ARHGAP28: variants seen among roughly 807,000 people sequenced by gnomAD.
ARHGAP28 encodes the protein rho GTPase-activating protein 28.
A neutral mutation model predicts 90.7 loss-of-function variants in ARHGAP28; 56 were observed. The ratio of observed to expected loss-of-function variants is 0.62; its 90% CI spans 0.50 to 0.77. The LOEUF is 0.77. ARHGAP28 is among the 30% of genes least tolerant of loss of function. The pLI is 0.00. For missense variants in ARHGAP28, 869 were observed against 900.9 expected (o/e 0.96, Z 0.45); for synonymous variants, 308 against 323.3 (o/e 0.95, Z 0.51).
intron 1 of ARHGAP28, among the ~76,000 whole-genome samples, chr18:6,821,666 CA>C (rs1419255613): frequency 6.6e-6 from 1 of 151,530 alleles, no homozygotes; most frequent in East Asian, 1.9e-4. Flanking sequence ...ACTTCTTTGC[CA>C]AAAAAAAGCT....
chr18:6,729,864 C>T lies in ARHGAP28; in HGVS notation c.43C>T (p.His15Tyr). Residue 15 changes from histidine to tyrosine, a missense_variant, in exon 1 of 18, where the codon CAC (histidine) becomes TAC (tyrosine). Physicochemically the swap from His to Tyr is moderately conservative, Grantham distance 83. Transcript: ENST00000383472. The stretch of plus-strand genomic sequence containing the variant: ...GGGCGGCGTGGTGCTGACCGCCTAC[C>T]ACTCGTACGCGCGCGCCCAGCCCCC... ...DSGGVVLTAYHSYARAQPPNA... is the reference protein window; with the variant it reads ...DSGGVVLTAYYSYARAQPPNA... 4.9e-6 allele frequency: 7 copies of T among 1,436,296 alleles called. No homozygotes were observed. The highest frequency in any genetic ancestry group is 6.4e-6 in the Non-Finnish European group (7 of 1,098,204). The allele number at this position is 1,436,296 out of a possible 1,614,324, so 89.0% of individuals were successfully genotyped here.
rs541776537 is a variant in ARHGAP28, at chr18:6,745,648, A to G, written c.122+15705A>G. On this transcript the variant is annotated intron_variant, in intron 1 of 17. Transcript: ENST00000383472. ...CTTTGTTCCTTCAATTACTCCTTCC[A>G]GGCAACCCGTTTCTGACTTCTGTCA... 1.5e-3 allele frequency among the ~76,000 whole-genome samples: 224 copies of G among 152,276 alleles called. 1 individual carries two copies. The highest frequency in any genetic ancestry group is 5.0e-3 in the African/African-American group (207 of 41,538).
chr18:6,732,033 C>T (rs1257862907), intron 1 of ARHGAP28, among the ~76,000 whole-genome samples: 2 of 151,972 alleles, frequency 1.3e-5, no homozygotes, highest in Admixed American at 6.6e-5. Context: ...GGCATAGGTT[C>T]AATTCAAAGC....
At chr18:6,745,015 T>C (rs1035208024) in intron 1 of ARHGAP28, among the ~76,000 whole-genome samples, 1 of 152,010 alleles carries the variant, frequency 6.6e-6, no homozygotes, top group Non-Finnish European at 1.5e-5. Flanking sequence ...TTAAAATACT[T>C]TATACTCTTT....
chr18:6,746,042 G>T lies in ARHGAP28; in HGVS notation c.122+16099G>T, dbSNP rs553427237. ...GGGATGTAAGCAAGTTTATTTTTGCGCCTGATCAATTTACTTTGGCTTCCT... is the reference window on the plus strand; with the variant it reads ...GGGATGTAAGCAAGTTTATTTTTGCTCCTGATCAATTTACTTTGGCTTCCT... On this transcript the variant is annotated intron_variant, in intron 1 of 17. Coordinates refer to ENST00000383472, the MANE Select transcript of ARHGAP28 (RefSeq NM_001366230.1). Among the ~76,000 whole-genome samples the T allele has an allele frequency of 2.6e-5, 4 of 152,082 alleles. No individual in the cohort carries two copies. The South Asian group carries it at 6.2e-4, about 24-fold the overall frequency.
chr18:6,840,067 G>A (rs1391785307), intron 3 of ARHGAP28, among the ~76,000 whole-genome samples: 1 of 152,184 alleles, frequency 6.6e-6, no homozygotes, highest in Non-Finnish European at 1.5e-5. Flanking sequence ...ATCCCCCGAA[G>A]TGGATCCCAA....
chr18:6,852,448 A>G (rs2056917964), intron 4 of ARHGAP28, among the ~76,000 whole-genome samples: 3 of 152,260 alleles, frequency 2.0e-5, no homozygotes. Context: ...ATTGATTCAT[A>G]ATTTACTGCA....
chr18:6,895,372 A>C (rs1190005846), intron 15 of ARHGAP28, among the ~76,000 whole-genome samples: 1 of 152,142 alleles, frequency 6.6e-6, no homozygotes, highest in Non-Finnish European at 1.5e-5. Flanking sequence ...CTCTGTTCTA[A>C]AATATTTTGT....
chr18:6,743,057 G>A (rs2055993021), intron 1 of ARHGAP28, among the ~76,000 whole-genome samples: 1 of 152,072 alleles, frequency 6.6e-6, no homozygotes, highest in Admixed American at 6.6e-5. Context: ...GATGAGATAA[G>A]AAAATACAGG....
At chr18:6,755,705 G>T (rs1440478784) in intron 1 of ARHGAP28, among the ~76,000 whole-genome samples, 3 of 152,168 alleles carry the variant, frequency 2.0e-5, no homozygotes, top group Non-Finnish European at 4.4e-5. Flanking sequence ...ATAACCTGGG[G>T]TTTTCTGAGC....
At chr18:6,884,235 G>T (rs775570545) in intron 11 of ARHGAP28, among the ~76,000 whole-genome samples, 1 of 152,160 alleles carries the variant, frequency 6.6e-6, no homozygotes, top group East Asian at 1.9e-4. Flanking sequence ...TTGGCCAGGC[G>T]TGGTGGCGGG....
chr18:6,731,124 T>TG (rs1161762919), intron 1 of ARHGAP28, among the ~76,000 whole-genome samples: 1 of 142,246 alleles, frequency 7.0e-6, no homozygotes, highest in Non-Finnish European at 1.6e-5. Context: ...ATAAAGACAG[T>TG]GGGAAAATCA....
intron 1 of ARHGAP28, among the ~76,000 whole-genome samples, chr18:6,822,897 C>T (rs1241501212): frequency 6.6e-6 from 1 of 152,108 alleles, no homozygotes; most frequent in African/African-American, 2.4e-5. Context: ...CCTCTATGTA[C>T]TCTCATGAAT....
intron 12 of ARHGAP28, among the ~76,000 whole-genome samples, chr18:6,887,724 G>T (rs758846027): frequency 1.9e-4 from 29 of 152,138 alleles, no homozygotes; most frequent in Non-Finnish European, 2.8e-4. Flanking sequence ...CGCCCGGGCG[G>T]TATGTTCTTA....
Position 6,887,216 on chromosome 18 carries a change from G to A in ARHGAP28, c.1513G>A (p.Asp505Asn). Residue 505 changes from aspartate to asparagine, a missense_variant, in exon 12 of 18, where the codon GAT becomes AAT. Coordinates refer to ENST00000383472, the MANE Select transcript of ARHGAP28 (RefSeq NM_001366230.1). The stretch of plus-strand genomic sequence containing the variant: ...ACACCTCATGGTCATGGCGCTGCCT[G>A]ATGCCAACAGAGATGCAGCTCAGGT... ...ALHLMVMALPDANRDAAQALM... is the reference protein window; with the variant it reads ...ALHLMVMALPNANRDAAQALM... 1 of 1,614,142 alleles carries A rather than the reference G, an allele frequency of 6.2e-7. No homozygotes were observed. The highest frequency in any genetic ancestry group is 8.5e-7 in the Non-Finnish European group (1 of 1,180,010).
chr18:6,873,842 C>T (rs1368216460), intron 9 of ARHGAP28, 67 bp downstream of exon 9: 2 of 1,303,000 alleles, frequency 1.5e-6, no homozygotes, highest in South Asian at 2.5e-5. Context: ...ACTTTGTAAA[C>T]CCACAAATGA....
intron 17 of ARHGAP28, among the ~76,000 whole-genome samples, chr18:6,909,295 CTTTTCTTTTT>C (rs1567991034): frequency 1.9e-5 from 1 of 52,384 alleles, no homozygotes; most frequent in Non-Finnish European, 5.3e-5. Context: ...CTTTTCTTTT[CTTTTCTTTTT>C]TTTTTGAGAC....
chr18:6,862,064 A>G (rs926264118), intron 5 of ARHGAP28, among the ~76,000 whole-genome samples: 2 of 152,178 alleles, frequency 1.3e-5, no homozygotes, highest in Non-Finnish European at 2.9e-5. Flanking sequence ...GACTTGACTT[A>G]CCTTGGATTG....
chr18:6,900,224 C>T (rs1408494523), intron 16 of ARHGAP28, among the ~76,000 whole-genome samples: 6 of 151,962 alleles, frequency 3.9e-5, no homozygotes, highest in African/African-American at 1.5e-4. Flanking sequence ...ATTAAATAAG[C>T]CCCAGAGTCT....
Sources: gnomAD v4.1 joint callset for allele counts (sites outside exome capture counted in the v4.1 genomes callset) on GRCh38, gnomAD v4.1.1 for gene constraint, MANE v1.5 for transcripts, NCBI Gene and HGNC (gene_info 2026-07-23, HGNC 2026-07-21) for gene names.